The following B4GALT1 variants were observed in gnomAD, a reference collection of about 807,000 sequenced individuals.
B4GALT1 encodes the protein beta-1,4-galactosyltransferase 1.
Under a neutral mutation model 34.9 loss-of-function variants are expected in B4GALT1, and 16 were observed. The ratio of observed to expected loss-of-function variants is 0.46; its 90% CI spans 0.31 to 0.70. The LOEUF (loss-of-function observed/expected upper bound fraction) is 0.70, where lower values mean the gene tolerates loss of function less well. Among genes scored for constraint, B4GALT1 ranks in the 30% least tolerant of loss-of-function variants. The pLI is 0.05. For synonymous variants in B4GALT1, 221 were observed against 218.1 expected (o/e 1.01, Z -0.12); for missense variants, 445 against 530.5 (o/e 0.84, Z 1.58).
chr9:33,159,354 A>G (rs1388428351), intron 1 of B4GALT1, among the ~76,000 whole-genome samples: 1 of 152,210 alleles, frequency 6.6e-6, no homozygotes, highest in Non-Finnish European at 1.5e-5. Context: ...TGGGGCAGGA[A>G]GGAGCCTGAC....
intron 2 of B4GALT1, among the ~76,000 whole-genome samples, chr9:33,124,164 G>T (rs1194278535): frequency 6.6e-6 from 1 of 152,260 alleles, no homozygotes; most frequent in East Asian, 1.9e-4. Context: ...CTGTAACACT[G>T]GGGCACACAC....
chr9:33,132,572 C>T (rs75909720), intron 2 of B4GALT1, among the ~76,000 whole-genome samples: 1,751 of 152,306 alleles, frequency 0.011, 25 homozygotes, highest in South Asian at 0.032. Flanking sequence ...GCTGTGCCAC[C>T]GGTCTGAGCT....
chr9:33,173,452 T>A, the B4GALT1 span, among the ~76,000 whole-genome samples: 1 of 151,302 alleles, frequency 6.6e-6, no homozygotes, highest in Non-Finnish European at 1.5e-5. Context: ...AGATGAGAGT[T>A]ACCCAAGTTT....
At chr9:33,172,459 C>T in the B4GALT1 span, among the ~76,000 whole-genome samples, 2 of 152,198 alleles carry the variant, frequency 1.3e-5, no homozygotes, top group South Asian at 4.2e-4. Context: ...GCCCAGTTGC[C>T]CTGTTTGTTC....
intron 1 of B4GALT1, among the ~76,000 whole-genome samples, chr9:33,160,275 ATATATG>A (rs1342164037): frequency 2.0e-5 from 3 of 152,198 alleles, no homozygotes; most frequent in Admixed American, 2.0e-4. Context: ...AACAAAAACT[ATATATG>A]TATATGTGTG....
intron 1 of B4GALT1, among the ~76,000 whole-genome samples, chr9:33,165,424 A>G (rs1271266587): frequency 6.6e-6 from 1 of 152,216 alleles, no homozygotes; most frequent in Non-Finnish European, 1.5e-5. Context: ...AGTCCATTTC[A>G]TTTTATGGGA....
chr9:33,171,138 C>T (rs546266653), upstream of B4GALT1, among the ~76,000 whole-genome samples: 15 of 152,364 alleles, frequency 9.8e-5, no homozygotes, highest in South Asian at 3.1e-3. Context: ...TCTATTGCAG[C>T]GTAACACCTA....
chr9:33,131,411 C>T (rs1204099760), intron 2 of B4GALT1, among the ~76,000 whole-genome samples: 3 of 152,312 alleles, frequency 2.0e-5, no homozygotes, highest in South Asian at 4.1e-4. Context: ...GCCCCTACTT[C>T]AAGTAGAATG....
Position 33,166,861 on chromosome 9 carries a change from G to T in B4GALT1, c.309C>A (p.Val103=). The change falls in exon 1 of 6, where the codon GTC becomes GTA. Residue 103 remains valine, a synonymous_variant. Coordinates refer to ENST00000379731, the MANE Select transcript of B4GALT1 (RefSeq NM_001497.4). ...TAGCGGGGCCAGGGCCAGAATCCAC[G>T]ACTGGGCTGGAGTCGCCACCCGGGC... ...QPRPGGDSSP[V]VDSGPGPASN... 3 of 1,573,490 alleles carry T rather than the reference G, an allele frequency of 1.9e-6. No homozygotes were observed. Among genetic ancestry groups the T allele is most frequent in the Non-Finnish European group, 2.6e-6 (3 of 1,166,860 alleles).
At chr9:33,165,866 G>T (rs1165440510) in intron 1 of B4GALT1, among the ~76,000 whole-genome samples, 1 of 152,242 alleles carries the variant, frequency 6.6e-6, no homozygotes, top group Non-Finnish European at 1.5e-5. Flanking sequence ...CTCTGCCTAT[G>T]CTGAAACAGG....
At chr9:33,164,745 TG>T (rs1840723033) in intron 1 of B4GALT1, among the ~76,000 whole-genome samples, 1 of 152,224 alleles carries the variant, frequency 6.6e-6, no homozygotes, top group Non-Finnish European at 1.5e-5. Context: ...GCGGTACTTT[TG>T]TTTAACTTGC....
At chr9:33,175,482 A>G in the B4GALT1 span, among the ~76,000 whole-genome samples, 2 of 152,182 alleles carry the variant, frequency 1.3e-5, no homozygotes, top group South Asian at 2.1e-4. Flanking sequence ...ATAGGGCATC[A>G]TATCGGAAAT....
chr9:33,133,856 A>G (rs184307598), intron 2 of B4GALT1, among the ~76,000 whole-genome samples: 47 of 152,134 alleles, frequency 3.1e-4, no homozygotes, highest in Non-Finnish European at 6.0e-4. Flanking sequence ...GGGCATCTCA[A>G]TTTCCAGGAA....
the B4GALT1 span, among the ~76,000 whole-genome samples, chr9:33,184,253 T>TAGACACACACAC: frequency 2.7e-5 from 4 of 147,116 alleles, no homozygotes; most frequent in African/African-American, 1.0e-4. Context: ...GTCACTCTTG[T>TAGACACACACAC]ACACACACAC....
chr9:33,112,901 C>T lies in B4GALT1; in HGVS notation c.*553G>A, dbSNP rs912873619. ...GGTCCAGGGCTCAAGTTTTAAAATC[C>T]TTTTGCTAAGAAAAGACATATGCAC... On this transcript the variant is annotated 3_prime_UTR_variant, in exon 6 of 6. Coordinates refer to ENST00000379731, the MANE Select transcript of B4GALT1 (RefSeq NM_001497.4). 5 of 171,150 alleles carry T rather than the reference C, an allele frequency of 2.9e-5. No homozygotes were observed. The highest frequency in any genetic ancestry group is 7.2e-5 in the African/African-American group (3 of 41,632). 10.6% of individuals were successfully genotyped at this position (171,150 alleles called of 1,614,324 possible). A position where few individuals can be genotyped will look rare whatever the true frequency, so the allele number is the denominator to read the frequency against.
chr9:33,114,698 T>C (rs976985737), intron 4 of B4GALT1, among the ~76,000 whole-genome samples: 3 of 152,130 alleles, frequency 2.0e-5, no homozygotes, highest in African/African-American at 7.2e-5. Context: ...AGGACCAAAA[T>C]GAAAGCCTGG....
chr9:33,146,357 G>T (rs770082283), intron 1 of B4GALT1, among the ~76,000 whole-genome samples: 3 of 152,206 alleles, frequency 2.0e-5, no homozygotes, highest in Non-Finnish European at 2.9e-5. Context: ...TGTCCTTTTA[G>T]AACTAGAGCG....
At chr9:33,137,885 TG>T (rs948448661) in intron 1 of B4GALT1, among the ~76,000 whole-genome samples, 5 of 152,056 alleles carry the variant, frequency 3.3e-5, no homozygotes, top group African/African-American at 1.2e-4. Context: ...CAAAGGCTAC[TG>T]GGGGGGCCCT....
intron 1 of B4GALT1, among the ~76,000 whole-genome samples, chr9:33,139,906 G>A (rs768827320): frequency 3.9e-5 from 6 of 152,250 alleles, no homozygotes; most frequent in Non-Finnish European, 7.3e-5. Context: ...TCTGGAAGCT[G>A]GGAGGCAGGG....
Sources: allele counts gnomAD v4.1 joint callset (sites outside exome capture counted in the v4.1 genomes callset), GRCh38; gene constraint gnomAD v4.1.1; transcripts MANE v1.5; gene names NCBI Gene and HGNC (gene_info 2026-07-23, HGNC 2026-07-21).